Variants in TTYH3 observed in about 807,000 individuals in gnomAD.
The protein encoded by TTYH3 is tweety family member 3.
Under a neutral mutation model 68.2 loss-of-function variants are expected in TTYH3, and 23 were observed. That is an observed-to-expected ratio of 0.34 (90% CI 0.24 to 0.48). The LOEUF is 0.48. TTYH3 is among the 20% of genes least tolerant of loss of function. The pLI, the probability that TTYH3 is intolerant of heterozygous loss-of-function variation, is 0.99. For missense variants in TTYH3, 768 were observed against 727.7 expected, an observed-to-expected ratio of 1.06 and a Z score of -0.64; for synonymous variants, 360 against 332.8, an observed-to-expected ratio of 1.08 and a Z score of -0.89.
At chr7:2,634,171 C>T (rs2114968758) in intron 1 of TTYH3, among the ~76,000 whole-genome samples, 1 of 152,378 alleles carries the variant, frequency 6.6e-6, no homozygotes, top group African/African-American at 2.4e-5. Context: ...GCCGCCTCCA[C>T]TCCCGGCTCT....
intron 11 of TTYH3, among the ~76,000 whole-genome samples, chr7:2,657,637 G>A (rs142231378): frequency 8.9e-4 from 135 of 152,234 alleles, no homozygotes; most frequent in African/African-American, 3.1e-3. Context: ...ACCACCCTGG[G>A]CCTCAATTTC....
chr7:2,656,313 G>GA (rs1786332578), intron 10 of TTYH3, 85 bp from the exon 11 acceptor site: 1 of 1,570,228 alleles, frequency 6.4e-7, no homozygotes, highest in Admixed American at 1.7e-5. Context: ...GGCGGTCCAG[G>GA]CCGCCGTGGC....
At position 2,643,835 on chromosome 7, in the gene TTYH3, C is replaced by T. The variant is rs181686982; in HGVS notation, c.124-3018C>T. Among the ~76,000 whole-genome samples, 29 of 152,050 alleles carry T rather than the reference C, an allele frequency of 1.9e-4. No individual in the cohort carries two copies. The East Asian group carries it at 4.1e-3, about 21-fold the overall frequency. On this transcript the variant is annotated intron_variant, in intron 1 of 13. Coordinates refer to ENST00000258796, the MANE Select transcript of TTYH3 (RefSeq NM_025250.3). ...ACACCTGTTTAGGCTCTGCGTAATG[C>T]GTGTCTGGGATTGACCTGCTCTTCC...
rs961068591 is a variant in TTYH3 at position 2,661,599 on chromosome 7, C to T, written c.1501-69C>T. Reference sequence around the variant, plus strand: ...TTGGCTCAGCCAAGTGAGGACCACGCGGAAGGCGCCCCTGGCTGCGTGCGC... The same window carrying T: ...TTGGCTCAGCCAAGTGAGGACCACGTGGAAGGCGCCCCTGGCTGCGTGCGC... On this transcript the variant is annotated intron_variant, in intron 13 of 13. Transcript: ENST00000258796. 3.4e-5 allele frequency: 51 copies of T among 1,498,212 alleles called. 1 individual carries two copies. Among genetic ancestry groups the T allele is most frequent in the South Asian group, 2.8e-4 (24 of 84,964 alleles). The allele number at this position is 1,498,212 out of a possible 1,614,324, so 92.8% of individuals were successfully genotyped here.
Position 2,661,852 on chromosome 7 carries a change from C to A in TTYH3, c.*113C>A. 1 of 1,192,656 alleles carries A rather than the reference C, an allele frequency of 8.4e-7. No individual in the cohort carries two copies. The highest frequency in any genetic ancestry group is 1.2e-6 in the Non-Finnish European group (1 of 839,734). The allele number at this position is 1,192,656 out of a possible 1,614,324, so 73.9% of individuals were successfully genotyped here. A position where few individuals can be genotyped will look rare whatever the true frequency, so the allele number is the denominator to read the frequency against. On this transcript the variant is annotated 3_prime_UTR_variant, in exon 14 of 14. Coordinates refer to ENST00000258796, the MANE Select transcript of TTYH3 (RefSeq NM_025250.3). ...CTCGCACGCCGTGCCAGGCCTGCCCCAGACGCGTCTGCAGGCCGCTTGCCC... is the reference window on the plus strand; with the variant it reads ...CTCGCACGCCGTGCCAGGCCTGCCCAAGACGCGTCTGCAGGCCGCTTGCCC...
chr7:2,652,695 G>A (rs1786219367), intron 8 of TTYH3: 1 of 582,268 alleles, frequency 1.7e-6, no homozygotes, highest in Non-Finnish European at 3.1e-6. Context: ...TTTGCTTGCT[G>A]GTGTGGGTGC....
At chr7:2,659,452 C>T (rs1786430238) in intron 13 of TTYH3, among the ~76,000 whole-genome samples, 1 of 152,240 alleles carries the variant, frequency 6.6e-6, no homozygotes. Context: ...TGTGGGGTGC[C>T]ACCGCTCCAG....
At chr7:2,641,634 C>T (rs1210592571) in intron 1 of TTYH3, among the ~76,000 whole-genome samples, 1 of 152,228 alleles carries the variant, frequency 6.6e-6, no homozygotes, top group Non-Finnish European at 1.5e-5. Flanking sequence ...TCAGACAGTT[C>T]CCATTCTTTC....
At chr7:2,649,773 G>A in intron 6 of TTYH3, 134 bp downstream of exon 6, 9 of 1,417,344 alleles carry the variant, frequency 6.3e-6, no homozygotes, top group Non-Finnish European at 8.8e-6. Flanking sequence ...CCCACCATGG[G>A]CACAGTCCAC....
Position 2,661,856 on chromosome 7 carries a change from C to T in TTYH3, c.*117C>T, listed in dbSNP as rs1206384376. 36 of 1,165,762 alleles carry T rather than the reference C, an allele frequency of 3.1e-5. No homozygotes were observed. Among genetic ancestry groups the T allele is most frequent in the Non-Finnish European group, 4.0e-5 (33 of 816,906 alleles). The allele number at this position is 1,165,762 out of a possible 1,614,324, so 72.2% of individuals were successfully genotyped here. A position where few individuals can be genotyped will look rare whatever the true frequency, so the allele number is the denominator to read the frequency against. On this transcript the variant is annotated 3_prime_UTR_variant, in exon 14 of 14. Transcript: ENST00000258796. The stretch of plus-strand genomic sequence containing the variant: ...CACGCCGTGCCAGGCCTGCCCCAGA[C>T]GCGTCTGCAGGCCGCTTGCCCTCCT...
chr7:2,659,477 G>A lies in TTYH3; in HGVS notation c.1500+462G>A, dbSNP rs150053941. ...CACCGCTCCAGTTCCCAGGGGCCCCGGCCCTGCCTCCTTTTCTTTTTCTTC... is the reference window on the plus strand; with the variant it reads ...CACCGCTCCAGTTCCCAGGGGCCCCAGCCCTGCCTCCTTTTCTTTTTCTTC... On this transcript the variant is annotated intron_variant, in intron 13 of 13. Coordinates refer to ENST00000258796, the MANE Select transcript of TTYH3 (RefSeq NM_025250.3). 3.2e-3 allele frequency among the ~76,000 whole-genome samples: 486 copies of A among 152,314 alleles called. 5 individuals are homozygous for A. Among genetic ancestry groups the A allele is most frequent in the Non-Finnish European group, 4.2e-3 (283 of 68,024 alleles).
rs887262105 is a variant in TTYH3, at chr7:2,638,906, C to T, written c.123+6628C>T. ...GGTAGGGGGACCCACTTCCCAGTGG[C>T]GGGCCCCTGACATGGGGGTGGTGGT... On this transcript the variant is annotated intron_variant, in intron 1 of 13. Coordinates refer to ENST00000258796, the MANE Select transcript of TTYH3 (RefSeq NM_025250.3). Among the ~76,000 whole-genome samples, 25 of 152,104 alleles carry T rather than the reference C, an allele frequency of 1.6e-4. 1 individual carries two copies. Among genetic ancestry groups the T allele is most frequent in the African/African-American group, 5.3e-4 (22 of 41,416 alleles).
chr7:2,636,987 T>G (rs1352788229), intron 1 of TTYH3, among the ~76,000 whole-genome samples: 1 of 152,178 alleles, frequency 6.6e-6, no homozygotes, highest in Non-Finnish European at 1.5e-5. Context: ...CCCCGAGGTC[T>G]TCACGGCTTT....
chr7:2,653,215 C>G (rs1366411054), intron 9 of TTYH3, among the ~76,000 whole-genome samples: 1 of 152,148 alleles, frequency 6.6e-6, no homozygotes, highest in Non-Finnish European at 1.5e-5. Flanking sequence ...TTTTTCCTCC[C>G]CTTCCTCCCT....
intron 9 of TTYH3, among the ~76,000 whole-genome samples, chr7:2,654,148 A>G (rs1449729624): frequency 6.6e-6 from 1 of 152,074 alleles, no homozygotes; most frequent in Non-Finnish European, 1.5e-5. Flanking sequence ...TCATCTCAGC[A>G]CTCTGGGGGG....
chr7:2,638,096 C>T (rs550528990), intron 1 of TTYH3, among the ~76,000 whole-genome samples: 2 of 152,308 alleles, frequency 1.3e-5, no homozygotes, highest in Admixed American at 1.3e-4. Context: ...GCCCTGCAGC[C>T]CTGTGTCTGG....
intron 1 of TTYH3, among the ~76,000 whole-genome samples, chr7:2,635,742 G>A (rs1785640343): frequency 6.6e-6 from 1 of 152,258 alleles, no homozygotes; most frequent in African/African-American, 2.4e-5. Flanking sequence ...GCCTTCCAGG[G>A]CAGATAGTGG....
chr7:2,642,625 G>T (rs544381349), intron 1 of TTYH3, among the ~76,000 whole-genome samples: 22 of 151,952 alleles, frequency 1.4e-4, no homozygotes, highest in African/African-American at 4.8e-4. Context: ...CTACTTGAGA[G>T]GCTGAGGCAG....
intron 1 of TTYH3, among the ~76,000 whole-genome samples, chr7:2,635,463 TG>T (rs1374404065): frequency 6.6e-6 from 1 of 152,192 alleles, no homozygotes; most frequent in Non-Finnish European, 1.5e-5. Flanking sequence ...TCATGCCCAC[TG>T]ACCTCAGCCT....
Sources: allele counts gnomAD v4.1 joint callset (sites outside exome capture counted in the v4.1 genomes callset), GRCh38; gene constraint gnomAD v4.1.1; transcripts MANE v1.5; gene names NCBI Gene and HGNC (gene_info 2026-07-23, HGNC 2026-07-21).